CCL18: variants seen among roughly 807,000 people sequenced by gnomAD.
The protein encoded by CCL18 is C-C motif chemokine 18.
Under a neutral mutation model 8.0 loss-of-function variants are expected in CCL18, and 7 were observed. The observed-to-expected ratio is 0.87, with a 90% confidence interval of 0.50 to 1.64. The LOEUF is 1.64. Among genes scored for constraint, CCL18 ranks in the 40% most tolerant of loss-of-function variants. The pLI is 0.00. For missense variants in CCL18, 95 were observed against 107.8 expected (o/e 0.88, Z 0.52); for synonymous variants, 35 against 41.3 (o/e 0.85, Z 0.59).
Position 36,064,316 on chromosome 17 carries a change from T to A in CCL18, c.-27T>A, listed in dbSNP as rs749382552. The A allele has an allele frequency of 9.3e-6, 15 of 1,606,470 alleles. No individual in the cohort carries two copies. Among genetic ancestry groups the A allele is most frequent in the Admixed American group, 6.7e-5 (4 of 59,980 alleles). On this transcript the variant is annotated 5_prime_UTR_variant, in exon 1 of 3. Transcript: ENST00000616054. ...TGAGTTTCCAAGCCCCAGCTCACTC[T>A]GACCACTTCTCTGCCTGCCCAGCAT...
At chr17:36,067,668 C>T (rs2142051823) in intron 1 of CCL18, among the ~76,000 whole-genome samples, 1 of 152,068 alleles carries the variant, frequency 6.6e-6, no homozygotes, top group South Asian at 2.1e-4. Context: ...TCCTGGGCAA[C>T]AGAGTGAGAC....
intron 1 of CCL18, among the ~76,000 whole-genome samples, chr17:36,069,016 CT>C (rs1193279914): frequency 1.6e-5 from 2 of 123,086 alleles, no homozygotes; most frequent in South Asian, 2.7e-4. Flanking sequence ...TGCCCAGCTA[CT>C]TTAAAAAAAA....
intron 1 of CCL18, 56 bp from the exon 2 acceptor site, chr17:36,070,391 C>A: frequency 9.7e-7 from 1 of 1,032,346 alleles, no homozygotes; most frequent in Non-Finnish European, 1.5e-6. Context: ...GGACCAGGAG[C>A]AGCTGGCTTG....
chr17:36,066,520 T>C (rs960463435), intron 1 of CCL18, among the ~76,000 whole-genome samples: 1 of 152,224 alleles, frequency 6.6e-6, no homozygotes. Context: ...AGATGTTAAG[T>C]GCATGGTGTC....
rs565905120 is a variant in CCL18 at position 36,069,633 on chromosome 17, A to G, written c.68-814A>G. ...TCCTCCTCAGTCTCCCCAAGTTTAT[A>G]TCTTCTAATACCCCAAGGCTGCCTG... is the stretch of plus-strand genomic sequence containing the variant. On this transcript the variant is annotated intron_variant, in intron 1 of 2. Coordinates refer to ENST00000616054, the MANE Select transcript of CCL18 (RefSeq NM_002988.4). 3.3e-5 allele frequency among the ~76,000 whole-genome samples: 5 copies of G among 152,316 alleles called. No individual in the cohort carries two copies. In the East Asian group the frequency reaches 9.6e-4, roughly 29 times the overall value.
chr17:36,070,159 G>C (rs2066857923), intron 1 of CCL18, among the ~76,000 whole-genome samples: 1 of 152,188 alleles, frequency 6.6e-6, no homozygotes, highest in Non-Finnish European at 1.5e-5. Context: ...CCCAAGGAGA[G>C]ATGGGATGGG....
At chr17:36,070,194 T>C (rs185118856) in intron 1 of CCL18, among the ~76,000 whole-genome samples, 1 of 152,088 alleles carries the variant, frequency 6.6e-6, no homozygotes, top group Non-Finnish European at 1.5e-5. Context: ...GAAAACTAAA[T>C]TTCCAGTAAA....
At position 36,071,234 on chromosome 17, in the gene CCL18, T is replaced by G; in HGVS notation, c.*193T>G. 1 of 561,314 alleles carries G rather than the reference T, an allele frequency of 1.8e-6. No individual in the cohort carries two copies. Among genetic ancestry groups the G allele is most frequent in the East Asian group, 3.0e-5 (1 of 33,818 alleles). 34.8% of individuals were successfully genotyped at this position (561,314 alleles called of 1,614,324 possible). A position where few individuals can be genotyped will look rare whatever the true frequency, so the allele number is the denominator to read the frequency against. On this transcript the variant is annotated 3_prime_UTR_variant, in exon 3 of 3. Coordinates refer to ENST00000616054, the MANE Select transcript of CCL18 (RefSeq NM_002988.4). Reference sequence around the variant, plus strand: ...TCATTTTGAAATTGATTTCTATTGTTGAGCTGCATTATGAAATTAGTATTT... The same window carrying G: ...TCATTTTGAAATTGATTTCTATTGTGGAGCTGCATTATGAAATTAGTATTT...
At chr17:36,070,905 C>A in intron 2 of CCL18, 46 bp from the exon 3 acceptor site, 1 of 1,369,528 alleles carries the variant, frequency 7.3e-7, no homozygotes, top group Non-Finnish European at 1.0e-6. Flanking sequence ...CACAGGATTC[C>A]CCTGATGAAT....
At chr17:36,066,983 C>T (rs3925329) in intron 1 of CCL18, among the ~76,000 whole-genome samples, 8 of 152,202 alleles carry the variant, frequency 5.3e-5, no homozygotes, top group African/African-American at 1.9e-4. Flanking sequence ...TGGTCATTTC[C>T]TCCTATGGAA....
chr17:36,065,011 G>T (rs942315383), intron 1 of CCL18, among the ~76,000 whole-genome samples: 2 of 152,028 alleles, frequency 1.3e-5, no homozygotes, highest in African/African-American at 4.8e-5. Context: ...TTTGTGACCC[G>T]CCTGGGCTTC....
chr17:36,069,020 A>T (rs1417621024), intron 1 of CCL18, among the ~76,000 whole-genome samples: 1 of 49,586 alleles, frequency 2.0e-5, no homozygotes. Flanking sequence ...CAGCTACTTT[A>T]AAAAAAAAAA....
chr17:36,068,482 C>T (rs577219453), intron 1 of CCL18, among the ~76,000 whole-genome samples: 1 of 152,200 alleles, frequency 6.6e-6, no homozygotes, highest in South Asian at 2.1e-4. Flanking sequence ...TGCTGCCTAC[C>T]CAGCTTTGAG....
At chr17:36,066,814 A>C (rs1359838656) in intron 1 of CCL18, among the ~76,000 whole-genome samples, 3 of 152,212 alleles carry the variant, frequency 2.0e-5, no homozygotes, top group Non-Finnish European at 4.4e-5. Flanking sequence ...GTCACATTTA[A>C]ACCACACCCT....
At position 36,071,133 on chromosome 17, in the gene CCL18, G is replaced by T; in HGVS notation, c.*92G>T. On this transcript the variant is annotated 3_prime_UTR_variant, in exon 3 of 3. Coordinates refer to ENST00000616054, the MANE Select transcript of CCL18 (RefSeq NM_002988.4). ...GGGCAATGGCCCTGCCACCCTGGAG[G>T]CTACCTCTTCTAAGAGTCCCATCTG... The T allele has an allele frequency of 2.5e-6, 2 of 793,228 alleles. No homozygotes were observed. The highest frequency in any genetic ancestry group is 2.1e-6 in the Non-Finnish European group (1 of 471,980). The allele number at this position is 793,228 out of a possible 1,614,324, so 49.1% of individuals were successfully genotyped here. A position where few individuals can be genotyped will look rare whatever the true frequency, so the allele number is the denominator to read the frequency against.
intron 1 of CCL18, among the ~76,000 whole-genome samples, chr17:36,069,004 C>T (rs2066851320): frequency 6.8e-6 from 1 of 147,832 alleles, no homozygotes; most frequent in Non-Finnish European, 1.5e-5. Flanking sequence ...AAACTACAGG[C>T]ATGCCCAGCT....
chr17:36,070,900 G>A (rs2066862129), intron 2 of CCL18, 51 bp from the exon 3 acceptor site: 5 of 1,335,602 alleles, frequency 3.7e-6, no homozygotes, highest in Non-Finnish European at 5.4e-6. Context: ...GGGGCCACAG[G>A]ATTCCCCTGA....
Position 36,071,991 on chromosome 17 carries a change from G to A in CCL18, c.*950G>A, listed in dbSNP as rs2066869219. The A allele has an allele frequency of 1.3e-5, 2 of 152,084 alleles. No homozygotes were observed. 9.4% of individuals were successfully genotyped at this position (152,084 alleles called of 1,614,324 possible). A position where few individuals can be genotyped will look rare whatever the true frequency, so the allele number is the denominator to read the frequency against. ...ACTATACGAGATGAGGCTTGGGGCT[G>A]GGTGGCCAGAGTTAGCAAATAAAAA... On this transcript the variant is annotated 3_prime_UTR_variant, in exon 3 of 3. Coordinates refer to ENST00000616054, the MANE Select transcript of CCL18 (RefSeq NM_002988.4).
chr17:36,071,106 C>CAGGG lies in CCL18; in HGVS notation c.*66_*69dup. 2 of 1,138,392 alleles carry CAGGG rather than the reference C, an allele frequency of 1.8e-6. No individual in the cohort carries two copies. Among genetic ancestry groups the CAGGG allele is most frequent in the East Asian group, 4.7e-5 (2 of 42,312 alleles). The allele number at this position is 1,138,392 out of a possible 1,614,324, so 70.5% of individuals were successfully genotyped here. ...CCCAGGAGGGAACAGGAGCCTGAGC[C>CAGGG]AGGGCAATGGCCCTGCCACCCTGGA... On this transcript the variant is annotated 3_prime_UTR_variant, in exon 3 of 3. Coordinates refer to ENST00000616054, the MANE Select transcript of CCL18 (RefSeq NM_002988.4).
Sources: allele counts gnomAD v4.1 joint callset (sites outside exome capture counted in the v4.1 genomes callset), GRCh38; gene constraint gnomAD v4.1.1; transcripts MANE v1.5; gene names NCBI Gene and HGNC (gene_info 2026-07-23, HGNC 2026-07-21).